SLC44A1: variants seen among roughly 807,000 people sequenced by gnomAD.
SLC44A1 encodes solute carrier family 44 member 1, also known as choline transporter-like protein 1.
SLC44A1 carries 26 observed loss-of-function variants against 79.3 expected under a neutral mutation model. The observed-to-expected ratio is 0.33, with a 90% CI of 0.24 to 0.46. The LOEUF (loss-of-function observed/expected upper bound fraction) is 0.46, where lower values mean the gene tolerates loss of function less well. Among genes scored for constraint, SLC44A1 ranks in the 20% least tolerant of loss-of-function variants. The pLI, the probability that SLC44A1 is intolerant of heterozygous loss-of-function variation, is 1.00. For synonymous variants in SLC44A1, 263 were observed against 286.2 expected (o/e 0.92, Z 0.82); for missense variants, 688 against 798.1 (o/e 0.86, Z 1.66).
At chr9:105,290,082 C>T (rs936846310) in intron 1 of SLC44A1, among the ~76,000 whole-genome samples, 1 of 152,148 alleles carries the variant, frequency 6.6e-6, no homozygotes, top group Non-Finnish European at 1.5e-5. Flanking sequence ...TCCTAAAGTG[C>T]TGGGATTACA....
At chr9:105,409,004 A>C (rs1200959866) in intron 15 of SLC44A1, among the ~76,000 whole-genome samples, 1 of 152,250 alleles carries the variant, frequency 6.6e-6, no homozygotes, top group Admixed American at 6.5e-5. Context: ...AAAATAATAC[A>C]CTAGAAAAAT....
chr9:105,435,722 T>C (rs1428565183), intron 15 of SLC44A1, among the ~76,000 whole-genome samples: 2 of 152,178 alleles, frequency 1.3e-5, no homozygotes, highest in East Asian at 3.9e-4. Context: ...TGTAGCCTGT[T>C]GAGAGGACCT....
At chr9:105,305,267 G>A (rs1174908509) in intron 2 of SLC44A1, among the ~76,000 whole-genome samples, 1 of 151,862 alleles carries the variant, frequency 6.6e-6, no homozygotes, top group African/African-American at 2.4e-5. Context: ...ACTGCTCCTG[G>A]CCTCATTCTT....
At chr9:105,374,542 T>C (rs1828214822) in intron 12 of SLC44A1, 56 bp from the exon 13 acceptor site, 1 of 1,569,340 alleles carries the variant, frequency 6.4e-7, no homozygotes, top group African/African-American at 1.4e-5. Flanking sequence ...TCAGTTTCTA[T>C]CTTAACAAAG....
At chr9:105,346,956 T>C (rs931284336) in intron 4 of SLC44A1, among the ~76,000 whole-genome samples, 2 of 152,136 alleles carry the variant, frequency 1.3e-5, no homozygotes, top group African/African-American at 4.8e-5. Context: ...CAGTATGCTA[T>C]TAAGGCTCAC....
chr9:105,393,111 T>C lies in SLC44A1; in HGVS notation c.*4055T>C. 1.0e-6 allele frequency: 1 copy of C among 985,406 alleles called. No individual in the cohort carries two copies. The highest frequency in any genetic ancestry group is 1.2e-6 in the Non-Finnish European group (1 of 829,886). 61.0% of individuals were successfully genotyped at this position (985,406 alleles called of 1,614,324 possible). A position where few individuals can be genotyped will look rare whatever the true frequency, so the allele number is the denominator to read the frequency against. The stretch of plus-strand genomic sequence containing the variant: ...CCTAGAACTGGTAAGAAGTGGTCTG[T>C]GAATGTATATTGAAAAAATGTGGGT... On this transcript the variant is annotated 3_prime_UTR_variant, in exon 16 of 16. Coordinates refer to ENST00000374720, the MANE Select transcript of SLC44A1 (RefSeq NM_080546.5).
intron 12 of SLC44A1, among the ~76,000 whole-genome samples, chr9:105,372,002 A>G (rs1468247458): frequency 6.6e-6 from 1 of 152,202 alleles, no homozygotes; most frequent in African/African-American, 2.4e-5. Context: ...AAGCTTTTGT[A>G]GAAGATGGAA....
At chr9:105,279,559 G>A (rs1379860621) in intron 1 of SLC44A1, among the ~76,000 whole-genome samples, 2 of 152,000 alleles carry the variant, frequency 1.3e-5, no homozygotes, top group African/African-American at 2.4e-5. Context: ...CTCGTGAGCC[G>A]CCCGCCTCGG....
intron 13 of SLC44A1, among the ~76,000 whole-genome samples, chr9:105,381,434 A>G (rs1247548560): frequency 6.6e-6 from 1 of 151,970 alleles, no homozygotes. Context: ...CTGTAGTCCC[A>G]GCTACTTGGG....
intron 2 of SLC44A1, among the ~76,000 whole-genome samples, chr9:105,306,450 T>C (rs530552009): frequency 6.6e-6 from 1 of 152,252 alleles, no homozygotes; most frequent in South Asian, 2.1e-4. Context: ...TTTTTAATTA[T>C]ATTTGGCCTA....
chr9:105,324,892 G>A (rs34331578), intron 3 of SLC44A1, among the ~76,000 whole-genome samples: 20,258 of 152,214 alleles, frequency 0.13, 2,704 homozygotes, highest in African/African-American at 0.35. Flanking sequence ...GCCCTCATAC[G>A]TTGCTGCTGG....
At chr9:105,252,387 C>T (rs892847960) in intron 1 of SLC44A1, among the ~76,000 whole-genome samples, 2 of 152,130 alleles carry the variant, frequency 1.3e-5, no homozygotes, top group South Asian at 2.1e-4. Flanking sequence ...CTGTTTCCCT[C>T]CATGGATAGA....
At chr9:105,387,631 T>C (rs566111448) in intron 15 of SLC44A1, among the ~76,000 whole-genome samples, 10 of 152,276 alleles carry the variant, frequency 6.6e-5, no homozygotes, top group East Asian at 1.9e-4. Context: ...ACCAAGCTTT[T>C]CCCCCTTTTC....
At chr9:105,299,664 C>G in intron 2 of SLC44A1, 1 of 462,384 alleles carries the variant, frequency 2.2e-6, no homozygotes, top group Middle Eastern at 1.1e-3. Flanking sequence ...CATTTCCTCT[C>G]AGGGACTTGG....
intron 1 of SLC44A1, among the ~76,000 whole-genome samples, chr9:105,295,078 T>C (rs1830691142): frequency 6.6e-6 from 1 of 152,208 alleles, no homozygotes; most frequent in Admixed American, 6.5e-5. Flanking sequence ...CCTGTTTTTC[T>C]GCTAGAGTTT....
At position 105,390,291 on chromosome 9, in the gene SLC44A1, G is replaced by T; in HGVS notation, c.*1235G>T. The T allele has an allele frequency of 9.9e-7, 1 of 1,009,584 alleles. No individual in the cohort carries two copies. 62.5% of individuals were successfully genotyped at this position (1,009,584 alleles called of 1,614,324 possible). A position where few individuals can be genotyped will look rare whatever the true frequency, so the allele number is the denominator to read the frequency against. ...GCTTTAAGAAAAAAAAGTGTAATTT[G>T]CTAAGAATAATTCATGATCTGTTTA... is the stretch of plus-strand genomic sequence containing the variant. On this transcript the variant is annotated 3_prime_UTR_variant, in exon 16 of 16. Coordinates refer to ENST00000374720, the MANE Select transcript of SLC44A1 (RefSeq NM_080546.5).
chr9:105,378,121 A>G (rs1828351065), intron 13 of SLC44A1, among the ~76,000 whole-genome samples: 1 of 152,126 alleles, frequency 6.6e-6, no homozygotes, highest in Non-Finnish European at 1.5e-5. Context: ...ATAGTGGTAC[A>G]TGCCTGTAAT....
At position 105,385,454 on chromosome 9, in the gene SLC44A1, A is replaced by G. The variant is rs774611766; in HGVS notation, c.1902A>G (p.Lys634=). ...TGGAAAACAGTAGGAAAGCAATGAA[A>G]GAAGCTGGTAAGGGAGGCGTCGCTG... ...EFVENSRKAM[K]EAGKGGVADS... is the part of the protein sequence containing the mutation. Residue 634 remains lysine (K), a synonymous_variant, in exon 15 of 16, where the codon AAA becomes AAG. Coordinates refer to ENST00000374720, the MANE Select transcript of SLC44A1 (RefSeq NM_080546.5). 8.2e-6 allele frequency: 13 copies of G among 1,587,662 alleles called. No individual in the cohort carries two copies. Among genetic ancestry groups the G allele is most frequent in the Non-Finnish European group, 1.1e-5 (13 of 1,166,716 alleles).
chr9:105,318,419 T>C (rs370483384), intron 3 of SLC44A1, among the ~76,000 whole-genome samples: 1 of 152,060 alleles, frequency 6.6e-6, no homozygotes, highest in East Asian at 1.9e-4. Flanking sequence ...GACCTCAATG[T>C]TCCCCCCACC....
Sources: gnomAD v4.1 joint callset for allele counts (sites outside exome capture counted in the v4.1 genomes callset) on GRCh38, gnomAD v4.1.1 for gene constraint, MANE v1.5 for transcripts, NCBI Gene and HGNC (gene_info 2026-07-23, HGNC 2026-07-21) for gene names.